Variants in SOX5 observed in about 807,000 individuals in gnomAD.
SOX5 encodes SRY-box transcription factor 5.
Under a neutral mutation model 92.0 loss-of-function variants are expected in SOX5, and 9 were observed. The observed-to-expected ratio is 0.10, with a 90% CI of 0.06 to 0.17. SOX5 has a LOEUF of 0.17. SOX5 is among the 10% of genes least tolerant of loss of function. The probability of loss-of-function intolerance (pLI) is 1.00; values close to 1 mark genes in which losing one functional copy is unlikely to be tolerated. For missense variants in SOX5, 642 were observed against 944.5 expected (o/e 0.68, Z 4.20); for synonymous variants, 344 against 336.3 (o/e 1.02, Z -0.25).
intron 1 of SOX5, among the ~76,000 whole-genome samples, chr12:23,937,273 G>T (rs369767084): frequency 6.6e-6 from 1 of 150,716 alleles, no homozygotes; most frequent in South Asian, 2.1e-4. Flanking sequence ...CTTGCCAACT[G>T]GTCTACAAAT....
chr12:23,874,919 A>T (rs200293232), intron 2 of SOX5, among the ~76,000 whole-genome samples: 2 of 152,232 alleles, frequency 1.3e-5, no homozygotes, highest in Non-Finnish European at 2.9e-5. Context: ...GGCAATAGGA[A>T]TATGCTGAGT....
At chr12:24,076,816 A>T (rs1177264964) in intron 4 of SOX5, among the ~76,000 whole-genome samples, 1 of 147,236 alleles carries the variant, frequency 6.8e-6, no homozygotes, top group African/African-American at 2.5e-5. Context: ...ATTTTTTCTT[A>T]AAAAAAATAA....
chr12:24,145,654 C>T (rs1184239285), intron 4 of SOX5, among the ~76,000 whole-genome samples: 1 of 152,106 alleles, frequency 6.6e-6, no homozygotes. Context: ...GTGCATCATA[C>T]ATGGCTGATT....
chr12:24,320,601 C>T (rs866030797), intron 2 of SOX5, among the ~76,000 whole-genome samples: 15 of 152,150 alleles, frequency 9.9e-5, no homozygotes, highest in African/African-American at 3.6e-4. Flanking sequence ...CGCGGTGGCT[C>T]ACGCCTGTAA....
At chr12:23,759,976 G>A (rs765765055) in intron 3 of SOX5, among the ~76,000 whole-genome samples, 13 of 151,884 alleles carry the variant, frequency 8.6e-5, no homozygotes, top group Non-Finnish European at 1.8e-4. Flanking sequence ...GTAGATGTAT[G>A]TATTTATGAG....
intron 2 of SOX5, among the ~76,000 whole-genome samples, chr12:24,337,575 G>T (rs1247487090): frequency 6.6e-6 from 1 of 151,932 alleles, no homozygotes; most frequent in Admixed American, 6.6e-5. Context: ...CCTGACTTAA[G>T]GTGATCTGCC....
intron 1 of SOX5, among the ~76,000 whole-genome samples, chr12:23,898,618 T>C (rs2097200789): frequency 6.6e-6 from 1 of 152,210 alleles, no homozygotes; most frequent in Non-Finnish European, 1.5e-5. Flanking sequence ...AAACTTCTGG[T>C]TATTTCAAAA....
chr12:24,498,508 T>G (rs1947870565), intron 1 of SOX5, among the ~76,000 whole-genome samples: 1 of 152,214 alleles, frequency 6.6e-6, no homozygotes, highest in Non-Finnish European at 1.5e-5. Flanking sequence ...TAGCTCTTTC[T>G]GCCTCAGTAA....
intron 13 of SOX5, among the ~76,000 whole-genome samples, chr12:23,538,128 T>C (rs2135924322): frequency 1.3e-5 from 2 of 152,292 alleles, no homozygotes; most frequent in Middle Eastern, 3.4e-3. Context: ...ATCTTTCGAA[T>C]GAGTTCATTA....
chr12:23,631,810 C>G (rs551381598), intron 8 of SOX5, among the ~76,000 whole-genome samples: 1 of 152,144 alleles, frequency 6.6e-6, no homozygotes, highest in East Asian at 1.9e-4. Flanking sequence ...AATAAGACAC[C>G]ATGAAGCTGC....
chr12:23,824,703 A>C (rs2096194812), intron 3 of SOX5, among the ~76,000 whole-genome samples: 2 of 152,166 alleles, frequency 1.3e-5, no homozygotes, highest in Non-Finnish European at 2.9e-5. Flanking sequence ...CCCTTCCCCC[A>C]GGAGCTCAGT....
rs11300258 is a variant in SOX5 at position 24,247,645 on chromosome 12, CTTTTTT to C, written c.-77+29565_-77+29570del. 7.1e-3 allele frequency among the ~76,000 whole-genome samples: 536 copies of C among 75,582 alleles called. 3 individuals are homozygous for C. Among genetic ancestry groups the C allele is most frequent in the Middle Eastern group, 0.023 (3 of 128 alleles). The allele number at this position is 75,582 out of a possible 152,430, so 49.6% of individuals were successfully genotyped here. A position where few individuals can be genotyped will look rare whatever the true frequency, so the allele number is the denominator to read the frequency against. On this transcript the variant is annotated intron_variant, in intron 3 of 4. Coordinates refer to the SOX5 transcript ENST00000446891. The stretch of plus-strand genomic sequence containing the variant: ...CAATGATCCCTGATTTATTTATTTA[CTTTTTT>C]TTTTTTTTTTTTTTTTTGAGGCGGA...
chr12:23,621,471 A>T (rs1369919280), intron 8 of SOX5, among the ~76,000 whole-genome samples: 8 of 152,232 alleles, frequency 5.3e-5, no homozygotes, highest in East Asian at 3.9e-4. Flanking sequence ...TTTTACAATT[A>T]AAAAAGTGCA....
intron 9 of SOX5, chr12:23,584,653 A>C: frequency 1.4e-6 from 2 of 1,441,572 alleles, no homozygotes; most frequent in Non-Finnish European, 1.9e-6. Context: ...GATATAAACC[A>C]TGCATTGGTT....
intron 3 of SOX5, among the ~76,000 whole-genome samples, chr12:24,222,111 T>C (rs2139808309): frequency 6.6e-6 from 1 of 152,274 alleles, no homozygotes; most frequent in South Asian, 2.1e-4. Flanking sequence ...GTTCAATATT[T>C]CTCAGTGAGG....
chr12:24,187,705 C>T (rs1001500445), intron 4 of SOX5, among the ~76,000 whole-genome samples: 1 of 152,132 alleles, frequency 6.6e-6, no homozygotes, highest in African/African-American at 2.4e-5. Context: ...CTATCCTCTG[C>T]ATTACCACTT....
chr12:24,177,241 G>A (rs892431892), intron 4 of SOX5, among the ~76,000 whole-genome samples: 1 of 152,150 alleles, frequency 6.6e-6, no homozygotes, highest in Non-Finnish European at 1.5e-5. Context: ...GAAATGTAGA[G>A]GGTAGAAAAC....
intron 2 of SOX5, among the ~76,000 whole-genome samples, chr12:24,288,201 G>A (rs1946145541): frequency 6.6e-6 from 1 of 152,172 alleles, no homozygotes; most frequent in Admixed American, 6.5e-5. Flanking sequence ...CTGGCATCTA[G>A]TGGGTAGGGG....
chr12:24,159,225 T>C (rs1398884778), intron 4 of SOX5, among the ~76,000 whole-genome samples: 2 of 151,852 alleles, frequency 1.3e-5, no homozygotes, highest in East Asian at 3.9e-4. Flanking sequence ...TTCATTCCTT[T>C]ATCCATCAAA....
Sources: gnomAD v4.1 joint callset for allele counts (sites outside exome capture counted in the v4.1 genomes callset) on GRCh38, gnomAD v4.1.1 for gene constraint, MANE v1.5 for transcripts, NCBI Gene and HGNC (gene_info 2026-07-23, HGNC 2026-07-21) for gene names.